PDZK1: variants seen among roughly 807,000 people sequenced by gnomAD.
The protein encoded by PDZK1 is Na(+)/H(+) exchange regulatory cofactor NHE-RF3.
In PDZK1, 23 loss-of-function variants were observed where a neutral mutation model predicts 38.1. The observed-to-expected ratio is 0.60, with a 90% CI of 0.43 to 0.85. The LOEUF is 0.85. Ranked by LOEUF, PDZK1 falls within the 40% of genes least tolerant of loss-of-function variation. The pLI, the probability that PDZK1 is intolerant of heterozygous loss-of-function variation, is 0.00. For missense variants in PDZK1, 297 were observed against 504.3 expected (o/e 0.59, Z 3.94); for synonymous variants, 98 against 186.2 (o/e 0.53, Z 3.86).
intron 1 of PDZK1, among the ~76,000 whole-genome samples, chr1:145,691,025 T>TA (rs1323209204): frequency 6.6e-6 from 1 of 152,204 alleles, no homozygotes; most frequent in Non-Finnish European, 1.5e-5. Context: ...AGTGAAATGC[T>TA]ACCATACTGG....
intron 2 of PDZK1, among the ~76,000 whole-genome samples, chr1:145,687,506 A>G (rs587657475): frequency 6.8e-6 from 1 of 145,986 alleles, no homozygotes; most frequent in East Asian, 2.0e-4. Flanking sequence ...GCCTGGGTGA[A>G]AGAGCGAAAC....
chr1:145,691,316 A>C (rs1655218702), intron 1 of PDZK1, among the ~76,000 whole-genome samples: 1 of 152,202 alleles, frequency 6.6e-6, no homozygotes, highest in Non-Finnish European at 1.5e-5. Flanking sequence ...GTCCACCTCC[A>C]GGCCTTGTTC....
intron 1 of PDZK1, among the ~76,000 whole-genome samples, chr1:145,694,647 C>T (rs1186884778): frequency 4.6e-5 from 7 of 151,738 alleles, no homozygotes; most frequent in African/African-American, 1.7e-4. Context: ...ACCTGTAATC[C>T]CAGCACTTTG....
intron 1 of PDZK1, among the ~76,000 whole-genome samples, chr1:145,706,530 C>T (rs782745275): frequency 6.6e-6 from 1 of 152,240 alleles, no homozygotes; most frequent in South Asian, 2.1e-4. Flanking sequence ...TCAGAGCCAA[C>T]GCCCAAATCT....
chr1:145,693,292 T>G lies in PDZK1; in HGVS notation c.-2-5269A>C, dbSNP rs1655386926. On this transcript the variant is annotated intron_variant, in intron 1 of 8. Transcript: ENST00000417171. ...GCTAGCAATAATAAATCATGTCATT[T>G]GAAAACTCTCTATGGCACATTATCT... 2.6e-5 allele frequency among the ~76,000 whole-genome samples: 4 copies of G among 152,190 alleles called. No individual in the cohort carries two copies. In the South Asian group the frequency reaches 8.3e-4, roughly 32 times the overall value.
chr1:145,690,307 C>A (rs1655134374), intron 1 of PDZK1, among the ~76,000 whole-genome samples: 1 of 152,080 alleles, frequency 6.6e-6, no homozygotes, highest in African/African-American at 2.4e-5. Context: ...ACCTGTAGAT[C>A]CCTACACCTT....
chr1:145,706,312 G>A (rs1470435183), intron 1 of PDZK1, among the ~76,000 whole-genome samples: 4 of 152,180 alleles, frequency 2.6e-5, no homozygotes, highest in African/African-American at 9.7e-5. Flanking sequence ...ATGGTGCAGA[G>A]AACATACAAA....
intron 1 of PDZK1, among the ~76,000 whole-genome samples, chr1:145,697,732 G>A (rs1224749166): frequency 2.1e-5 from 3 of 145,498 alleles, no homozygotes; most frequent in African/African-American, 7.7e-5. Context: ...GAGTAGTTGG[G>A]ATTTCAGGCA....
intron 8 of PDZK1, 77 bp downstream of exon 8, chr1:145,672,653 G>C: frequency 6.5e-7 from 1 of 1,541,838 alleles, no homozygotes; most frequent in Non-Finnish European, 8.8e-7. Context: ...GGCAAACATA[G>C]ACATTAAATA....
chr1:145,684,541 G>A (rs587617244), intron 3 of PDZK1, among the ~76,000 whole-genome samples: 1 of 152,210 alleles, frequency 6.6e-6, no homozygotes, highest in African/African-American at 2.4e-5. Context: ...CATAACATTT[G>A]TACATATTTA....
rs781878150 is a variant in PDZK1, at chr1:145,687,933, G to T, written c.89C>A (p.Thr30Asn). ...YGFFLRIEKD[T>N]EGHLVRVVEK... ...AACCACCCGGACCAGGTGGCCCTCG[G>T]TGTCCTTCTCAATTCGCAGGAAGAA... The change falls in exon 2 of 9, where the codon ACC becomes AAC. Residue 30 changes from threonine (T) to asparagine (N), a missense_variant. This residue lies in a region of PDZK1 where 159 missense variants were observed against 200.0 expected (regional missense o/e 0.79). Coordinates refer to ENST00000417171, the MANE Select transcript of PDZK1 (RefSeq NM_001201325.2). The T allele has an allele frequency of 2.5e-6, 4 of 1,612,026 alleles. No homozygotes were observed. In the South Asian group the frequency reaches 4.4e-5, roughly 18 times the overall value.
intron 1 of PDZK1, among the ~76,000 whole-genome samples, chr1:145,702,485 C>T (rs1475363922): frequency 2.0e-5 from 3 of 152,036 alleles, no homozygotes; most frequent in Non-Finnish European, 4.4e-5. Context: ...TTTCTACCCC[C>T]CCACTTTTTT....
chr1:145,675,664 A>C (rs1360097835), intron 6 of PDZK1, among the ~76,000 whole-genome samples: 1 of 152,134 alleles, frequency 6.6e-6, no homozygotes, highest in African/African-American at 2.4e-5. Context: ...CAAACAAGCA[A>C]ATCAACTGTA....
intron 6 of PDZK1, among the ~76,000 whole-genome samples, chr1:145,676,746 GCTC>G (rs1414198987): frequency 6.6e-6 from 1 of 150,786 alleles, no homozygotes; most frequent in Non-Finnish European, 1.5e-5. Context: ...AAAAAAGTGT[GCTC>G]CTTCTTACAT....
At chr1:145,672,023 T>TA (rs1653115074) in intron 8 of PDZK1, among the ~76,000 whole-genome samples, 1 of 152,024 alleles carries the variant, frequency 6.6e-6, no homozygotes, top group Admixed American at 6.6e-5. Context: ...TAAACTTTTT[T>TA]AGAGTCTCGG....
At chr1:145,702,489 C>T (rs925192548) in intron 1 of PDZK1, among the ~76,000 whole-genome samples, 14 of 151,310 alleles carry the variant, frequency 9.3e-5, no homozygotes, top group South Asian at 4.2e-4. Flanking sequence ...TACCCCCCCA[C>T]TTTTTTTTTG....
Position 145,671,167 on chromosome 1 carries a change from A to G in PDZK1, c.*269T>C, listed in dbSNP as rs1446830618. ...ATCATCATACAGAGAAATGTAGTTA[A>G]GTTAAGTTGAAGCTTGGAAAAGATC... On this transcript the variant is annotated 3_prime_UTR_variant, in exon 9 of 9. Coordinates refer to ENST00000417171, the MANE Select transcript of PDZK1 (RefSeq NM_001201325.2). The G allele has an allele frequency of 1.4e-5, 15 of 1,085,832 alleles. No homozygotes were observed. In the South Asian group the frequency reaches 2.0e-4, roughly 14 times the overall value. 67.3% of individuals were successfully genotyped at this position (1,085,832 alleles called of 1,614,324 possible). A position where few individuals can be genotyped will look rare whatever the true frequency, so the allele number is the denominator to read the frequency against.
In PDZK1 at chr1:145,700,725, TG is replaced by T. The variant is rs201512288; in HGVS notation, c.-3+6591del. Among the ~76,000 whole-genome samples, 905 of 152,322 alleles carry T rather than the reference TG, an allele frequency of 5.9e-3. 11 individuals carry two copies. The highest frequency in any genetic ancestry group is 0.021 in the African/African-American group (855 of 41,578). On this transcript the variant is annotated intron_variant, in intron 1 of 8. Coordinates refer to ENST00000417171, the MANE Select transcript of PDZK1 (RefSeq NM_001201325.2). ...TCATCTCTGCTCATCTTCCAAGGTCTGGGACTTAGAAGTGGCAGGATTATTC... is the reference window on the plus strand; with the variant it reads ...TCATCTCTGCTCATCTTCCAAGGTCTGGACTTAGAAGTGGCAGGATTATTC...
At chr1:145,697,603 G>A (rs782006744) in intron 1 of PDZK1, among the ~76,000 whole-genome samples, 2 of 151,380 alleles carry the variant, frequency 1.3e-5, no homozygotes, top group Non-Finnish European at 3.0e-5. Context: ...AACGAATATT[G>A]ATATTTTATT....
Sources: allele counts gnomAD v4.1 joint callset (sites outside exome capture counted in the v4.1 genomes callset), GRCh38; gene constraint gnomAD v4.1.1; regional missense constraint gnomAD v4.1.1; transcripts MANE v1.5; gene names NCBI Gene and HGNC (gene_info 2026-07-23, HGNC 2026-07-21).